ZNF331: variants seen among roughly 807,000 people sequenced by gnomAD.
ZNF331 encodes the protein zinc finger protein 331.
A neutral mutation model predicts 7.0 loss-of-function variants in ZNF331; 2 were observed. The ratio of observed to expected loss-of-function variants is 0.29; its 90% CI spans 0.12 to 0.90. The LOEUF (loss-of-function observed/expected upper bound fraction) is 0.90, where lower values mean the gene tolerates loss of function less well. Ranked by LOEUF, ZNF331 falls within the 40% of genes least tolerant of loss-of-function variation. The pLI is 0.58. For missense variants in ZNF331, 432 were observed against 587.7 expected (o/e 0.74, Z 2.74); for synonymous variants, 196 against 205.4 (o/e 0.95, Z 0.39).
chr19:53,507,231 C>T, the ZNF331 span, among the ~76,000 whole-genome samples: 2 of 152,066 alleles, frequency 1.3e-5, no homozygotes, highest in Non-Finnish European at 2.9e-5. Context: ...GTCCTAGTTG[C>T]CCTGACGCAA....
intron 2 of ZNF331, among the ~76,000 whole-genome samples, chr19:53,542,099 G>A (rs543637186): frequency 3.6e-4 from 54 of 152,028 alleles, no homozygotes; most frequent in African/African-American, 1.1e-3. Flanking sequence ...TTGGAGTATT[G>A]AATCTTGCTA....
At chr19:53,554,910 G>C (rs947563861) in intron 2 of ZNF331, 1 of 153,332 alleles carries the variant, frequency 6.5e-6, no homozygotes, top group Non-Finnish European at 1.5e-5. Flanking sequence ...GGGATATGTG[G>C]GGGCGGCGAT....
At chr19:53,520,535 T>C (rs1160965425), upstream of ZNF331, among the ~76,000 whole-genome samples, 9 of 152,166 alleles carry the variant, frequency 5.9e-5, no homozygotes, top group Admixed American at 5.9e-4. Context: ...CTTCCAGCAT[T>C]TGAAGATTCT....
At chr19:53,533,338 T>C (rs1197908883), upstream of ZNF331, among the ~76,000 whole-genome samples, 1 of 152,226 alleles carries the variant, frequency 6.6e-6, no homozygotes, top group African/African-American at 2.4e-5. Flanking sequence ...TTAATACCAC[T>C]GTGGTTGAAA....
At chr19:53,541,128 A>T (rs1173571890) in intron 2 of ZNF331, among the ~76,000 whole-genome samples, 1 of 108,858 alleles carries the variant, frequency 9.2e-6, no homozygotes, top group Non-Finnish European at 2.0e-5. Context: ...TTTTTTTGAG[A>T]CAGAGTTTCG....
At chr19:53,531,996 A>T (rs2087560228) in intron 2 of ZNF331, among the ~76,000 whole-genome samples, 1 of 152,130 alleles carries the variant, frequency 6.6e-6, no homozygotes, top group Non-Finnish European at 1.5e-5. Context: ...TTTATTTGAT[A>T]AATAACAAAT....
chr19:53,577,621 C>T lies in ZNF331; in HGVS notation c.1061C>T (p.Pro354Leu), dbSNP rs1349218941. ...GAGAGGATACATACGGGCGAGAAGC[C>T]GTACAAGTGCACAGAATGTGGGAAG... Reference protein sequence around the residue: ...KHERIHTGEKPYKCTECGKAF... With the variant: ...KHERIHTGEKLYKCTECGKAF... Residue 354 changes from proline to leucine, a missense_variant, in exon 6 of 6, where the codon CCG (proline) becomes CTG (leucine). Pro to Leu is a moderately conservative substitution (Grantham distance 98). Transcript: ENST00000449416. 2.5e-6 allele frequency: 4 copies of T among 1,613,798 alleles called. No individual in the cohort carries two copies. The highest frequency in any genetic ancestry group is 1.7e-5 in the Admixed American group (1 of 59,946).
the ZNF331 span, among the ~76,000 whole-genome samples, chr19:53,508,086 C>T: frequency 1.3e-5 from 2 of 152,140 alleles, no homozygotes; most frequent in Non-Finnish European, 2.9e-5. Context: ...CAGTTGCATC[C>T]GTGATTTAGG....
At chr19:53,543,798 G>A (rs1171285734) in intron 2 of ZNF331, among the ~76,000 whole-genome samples, 1 of 152,176 alleles carries the variant, frequency 6.6e-6, no homozygotes, top group Non-Finnish European at 1.5e-5. Context: ...CAGACACTAT[G>A]AGGCTAACTG....
At chr19:53,513,328 G>A in the ZNF331 span, among the ~76,000 whole-genome samples, 5 of 151,948 alleles carry the variant, frequency 3.3e-5, no homozygotes, top group African/African-American at 1.2e-4. Context: ...CGCATACTCA[G>A]AGGTAGGATT....
chr19:53,559,537 C>T (rs932574745), intron 3 of ZNF331, among the ~76,000 whole-genome samples: 1 of 149,774 alleles, frequency 6.7e-6, no homozygotes, highest in Non-Finnish European at 1.5e-5. Context: ...TACACACACG[C>T]CATATATACA....
chr19:53,522,442 G>A (rs1319800808), intron 1 of ZNF331, among the ~76,000 whole-genome samples: 2 of 151,988 alleles, frequency 1.3e-5, no homozygotes, highest in Non-Finnish European at 1.5e-5. Context: ...TCACCATGTT[G>A]GCATAGGTGA....
Position 53,558,360 on chromosome 19 carries a change from A to G in ZNF331, c.-74+2452A>G, listed in dbSNP as rs1266368152. Reference sequence around the variant, plus strand: ...TGTTCCCGTGGAATTGGGGTGCGCCACCTTTTCAGAGTTCTTTTGTACCTT... The same window carrying G: ...TGTTCCCGTGGAATTGGGGTGCGCCGCCTTTTCAGAGTTCTTTTGTACCTT... On this transcript the variant is annotated intron_variant, in intron 3 of 5. Coordinates refer to ENST00000449416, the MANE Select transcript of ZNF331 (RefSeq NM_001079906.2). The surrounding 1 kb of genome is among the most constrained non-coding windows in gnomAD (Gnocchi z 4.5). Among the ~76,000 whole-genome samples, 1 of 152,058 alleles carries G rather than the reference A, an allele frequency of 6.6e-6. No individual in the cohort carries two copies. The highest frequency in any genetic ancestry group is 1.5e-5 in the Non-Finnish European group (1 of 68,006).
the ZNF331 span, among the ~76,000 whole-genome samples, chr19:53,510,189 C>T: frequency 1.3e-5 from 2 of 152,158 alleles, no homozygotes; most frequent in Non-Finnish European, 2.9e-5. Context: ...TCTTTCTTGG[C>T]AGAGAAACAC....
chr19:53,529,129 G>A (rs62143893), intron 2 of ZNF331, among the ~76,000 whole-genome samples: 41,542 of 151,978 alleles, frequency 0.27, 6,589 homozygotes, highest in African/African-American at 0.44. Flanking sequence ...AAGGCTGGGC[G>A]TGGTGGCTCA....
intron 2 of ZNF331, among the ~76,000 whole-genome samples, chr19:53,529,088 A>AT (rs1326311791): frequency 1.6e-4 from 25 of 151,974 alleles, no homozygotes; most frequent in African/African-American, 5.8e-4. Flanking sequence ...CACCCAACCT[A>AT]TTTTTTTGAT....
chr19:53,511,083 C>T, the ZNF331 span, among the ~76,000 whole-genome samples: 1 of 152,130 alleles, frequency 6.6e-6, no homozygotes, highest in Non-Finnish European at 1.5e-5. Flanking sequence ...ATATCCACAA[C>T]AAGAGCTGTT....
At chr19:53,541,723 C>T (rs2088190130) in intron 2 of ZNF331, among the ~76,000 whole-genome samples, 1 of 152,152 alleles carries the variant, frequency 6.6e-6, no homozygotes, top group African/African-American at 2.4e-5. Context: ...TTGTACCATC[C>T]AGAGATAATC....
chr19:53,527,797 G>A (rs2708762), intron 2 of ZNF331, among the ~76,000 whole-genome samples: 39,830 of 151,946 alleles, frequency 0.26, 6,158 homozygotes, highest in African/African-American at 0.43. Context: ...AAGGCTTCAC[G>A]TTTACACCTT....
Sources: allele counts gnomAD v4.1 joint callset (sites outside exome capture counted in the v4.1 genomes callset), GRCh38; gene constraint gnomAD v4.1.1; non-coding constraint Gnocchi (gnomAD v3.1); transcripts MANE v1.5; gene names NCBI Gene and HGNC (gene_info 2026-07-23, HGNC 2026-07-21).